The following MAGI2 variants were observed in gnomAD, a reference collection of about 807,000 sequenced individuals.
MAGI2 encodes membrane-associated guanylate kinase, WW and PDZ domain-containing protein 2.
Under a neutral mutation model 133.3 loss-of-function variants are expected in MAGI2, and 35 were observed. That is an observed-to-expected ratio of 0.26 (90% CI 0.20 to 0.35). MAGI2 has a LOEUF of 0.35. Among genes scored for constraint, MAGI2 ranks in the 10% least tolerant of loss-of-function variants. The pLI, the probability that MAGI2 is intolerant of heterozygous loss-of-function variation, is 1.00. For synonymous variants in MAGI2, 729 were observed against 710.6 expected, an observed-to-expected ratio of 1.03 and a Z score of -0.41; for missense variants, 1,636 against 1,863.4, an observed-to-expected ratio of 0.88 and a Z score of 2.25.
intron 1 of MAGI2, among the ~76,000 whole-genome samples, chr7:79,018,689 A>T (rs1348812731): frequency 6.6e-6 from 1 of 152,242 alleles, no homozygotes; most frequent in Non-Finnish European, 1.5e-5. Flanking sequence ...CTCAAAGAAA[A>T]GGGATGGAGA....
intron 1 of MAGI2, among the ~76,000 whole-genome samples, chr7:79,180,989 G>T (rs1000608505): frequency 1.3e-5 from 2 of 151,910 alleles, no homozygotes; most frequent in East Asian, 3.9e-4. Context: ...TGATGTAAGA[G>T]GTGAGTTCTC....
chr7:79,438,022 C>A (rs1848259956), intron 1 of MAGI2, among the ~76,000 whole-genome samples: 1 of 151,992 alleles, frequency 6.6e-6, no homozygotes, highest in Non-Finnish European at 1.5e-5. Flanking sequence ...TATAGGCATT[C>A]CTCAAATTTC....
At chr7:78,802,205 C>T (rs1015352538) in intron 2 of MAGI2, among the ~76,000 whole-genome samples, 1 of 152,160 alleles carries the variant, frequency 6.6e-6, no homozygotes, top group Non-Finnish European at 1.5e-5. Context: ...AACTTAAATT[C>T]CTTAAGTTAA....
chr7:78,562,784 A>C (rs1303286946), intron 3 of MAGI2, among the ~76,000 whole-genome samples: 3 of 152,316 alleles, frequency 2.0e-5, no homozygotes, highest in African/African-American at 7.2e-5. Context: ...TTGTTCAAAG[A>C]GAGCCTCCAT....
intron 1 of MAGI2, among the ~76,000 whole-genome samples, chr7:79,388,222 T>C (rs1021368999): frequency 1.3e-5 from 2 of 152,024 alleles, no homozygotes; most frequent in African/African-American, 4.8e-5. Context: ...TGCTAAAACA[T>C]GCCTTTTAAA....
At chr7:79,397,417 A>G (rs2129158291) in intron 1 of MAGI2, among the ~76,000 whole-genome samples, 1 of 152,052 alleles carries the variant, frequency 6.6e-6, no homozygotes, top group South Asian at 2.1e-4. Flanking sequence ...GTTTAAATTT[A>G]CATTATCAGT....
intron 2 of MAGI2, among the ~76,000 whole-genome samples, chr7:78,738,389 A>G (rs934267065): frequency 1.3e-5 from 2 of 152,112 alleles, no homozygotes; most frequent in African/African-American, 2.4e-5. Flanking sequence ...TTTTATTTCT[A>G]CAGATATAAT....
chr7:78,498,697 T>A (rs1794350878), intron 5 of MAGI2, among the ~76,000 whole-genome samples: 1 of 152,110 alleles, frequency 6.6e-6, no homozygotes, highest in Admixed American at 6.5e-5. Context: ...CCACACCGAA[T>A]CTTGAGGTTC....
intron 1 of MAGI2, among the ~76,000 whole-genome samples, chr7:79,382,399 G>T (rs954576115): frequency 6.6e-6 from 1 of 151,450 alleles, no homozygotes; most frequent in Non-Finnish European, 1.5e-5. Flanking sequence ...TAGAATCTCA[G>T]GATGTAAATC....
chr7:79,367,367 ATTT>A lies in MAGI2; in HGVS notation c.301+85650_301+85652del, dbSNP rs752033422. Among the ~76,000 whole-genome samples, 7 of 151,566 alleles carry A rather than the reference ATTT, an allele frequency of 4.6e-5. No homozygotes were observed. The East Asian group carries it at 1.2e-3, about 25-fold the overall frequency. On this transcript the variant is annotated intron_variant, in intron 1 of 21. Transcript: ENST00000354212. ...TCTTAATGCATCATTGATGTTGCTT[ATTT>A]TTTATTTTAATAGTGAGATAGTTTT...
chr7:78,072,859 C>A, intron 21 of MAGI2: 1 of 398,428 alleles, frequency 2.5e-6, no homozygotes, highest in South Asian at 1.3e-4. Flanking sequence ...CAAGGTCTCC[C>A]TATGTTGCCT....
chr7:79,229,240 G>A (rs79584587), intron 1 of MAGI2, among the ~76,000 whole-genome samples: 2 of 151,734 alleles, frequency 1.3e-5, no homozygotes, highest in African/African-American at 2.4e-5. Flanking sequence ...TGCTTCTGAC[G>A]TGATATCTCA....
chr7:78,270,662 G>A (rs1246437961), intron 9 of MAGI2, among the ~76,000 whole-genome samples: 1 of 151,978 alleles, frequency 6.6e-6, no homozygotes, highest in Non-Finnish European at 1.5e-5. Context: ...GAGATTTGGG[G>A]CTGAGACGAT....
intron 9 of MAGI2, among the ~76,000 whole-genome samples, chr7:78,274,626 A>G (rs1183473950): frequency 6.6e-6 from 1 of 151,222 alleles, no homozygotes; most frequent in African/African-American, 2.4e-5. Context: ...TTTTTTTTAG[A>G]GATGCCCTGC....
intron 21 of MAGI2, among the ~76,000 whole-genome samples, chr7:78,030,923 A>C (rs1809504657): frequency 3.3e-5 from 5 of 152,222 alleles, no homozygotes; most frequent in Admixed American, 2.6e-4. Flanking sequence ...CTGTATGCGG[A>C]TTTCTATGGT....
Position 78,897,244 on chromosome 7 carries a change from T to C in MAGI2, c.418+109846A>G, listed in dbSNP as rs1797281013. Among the ~76,000 whole-genome samples the C allele has an allele frequency of 2.6e-5, 4 of 152,352 alleles. No homozygotes were observed. In the South Asian group the frequency reaches 8.3e-4, roughly 32 times the overall value. On this transcript the variant is annotated intron_variant, in intron 2 of 21. Coordinates refer to ENST00000354212, the MANE Select transcript of MAGI2 (RefSeq NM_012301.4). The stretch of plus-strand genomic sequence containing the variant: ...TTTTTAACCCATATCAAGGGAAGCA[T>C]GTACTTTGTTTCCCAAGTTGAAGGA...
chr7:79,279,619 T>C (rs564281567), intron 1 of MAGI2, among the ~76,000 whole-genome samples: 16 of 152,280 alleles, frequency 1.1e-4, no homozygotes, highest in South Asian at 6.2e-4. Flanking sequence ...CAGTGAGCCC[T>C]GATTGAGCTA....
chr7:79,240,132 C>A (rs1372130786), intron 1 of MAGI2, among the ~76,000 whole-genome samples: 1 of 152,076 alleles, frequency 6.6e-6, no homozygotes, highest in East Asian at 1.9e-4. Context: ...GACCTGAAGG[C>A]ATTGCATTCC....
At chr7:78,473,147 A>G (rs549205940) in intron 6 of MAGI2, among the ~76,000 whole-genome samples, 1 of 152,252 alleles carries the variant, frequency 6.6e-6, no homozygotes, top group East Asian at 1.9e-4. Flanking sequence ...AGATACCCAC[A>G]AAAGCAACTG....
Sources: allele counts gnomAD v4.1 joint callset (sites outside exome capture counted in the v4.1 genomes callset), GRCh38; gene constraint gnomAD v4.1.1; transcripts MANE v1.5; gene names NCBI Gene and HGNC (gene_info 2026-07-23, HGNC 2026-07-21).